Variants in HYCC1 observed in about 807,000 individuals in gnomAD.
HYCC1 encodes the protein hyccin PI4KA lipid kinase complex subunit 1.
chr7:22,953,456 C>A, the HYCC1 span, among the ~76,000 whole-genome samples: 1 of 151,890 alleles, frequency 6.6e-6, no homozygotes, highest in African/African-American at 2.4e-5. Flanking sequence ...TTTTTTGCCT[C>A]ATGAGACCAA....
chr7:22,952,699 CA>C, the HYCC1 span, among the ~76,000 whole-genome samples: 1 of 151,868 alleles, frequency 6.6e-6, no homozygotes, highest in Admixed American at 6.6e-5. Flanking sequence ...TCGCGTAACA[CA>C]AGATACTGAG....
At chr7:22,965,233 A>C in the HYCC1 span, among the ~76,000 whole-genome samples, 1 of 152,068 alleles carries the variant, frequency 6.6e-6, no homozygotes, top group African/African-American at 2.4e-5. Context: ...AAAGTTCTTG[A>C]CACAAACTGC....
the HYCC1 span, among the ~76,000 whole-genome samples, chr7:22,991,782 C>G: frequency 6.6e-6 from 1 of 152,046 alleles, no homozygotes; most frequent in South Asian, 2.1e-4. Context: ...ACGTATTTTT[C>G]TTTACCTATC....
chr7:22,976,358 A>G, the HYCC1 span: 4 of 1,307,336 alleles, frequency 3.1e-6, no homozygotes, highest in South Asian at 2.4e-5. Flanking sequence ...TAAGAAGTCA[A>G]CTATAATAGG....
chr7:22,899,997 T>A, the HYCC1 span, among the ~76,000 whole-genome samples: 2 of 152,208 alleles, frequency 1.3e-5, no homozygotes, highest in Non-Finnish European at 2.9e-5. Context: ...CATTCATTAT[T>A]AAATCACTCA....
At chr7:22,951,889 T>C in the HYCC1 span, among the ~76,000 whole-genome samples, 2 of 151,866 alleles carry the variant, frequency 1.3e-5, no homozygotes, top group Non-Finnish European at 1.5e-5. Context: ...CATACATGCA[T>C]AGAAAAAACT....
chr7:22,924,114 A>T, the HYCC1 span, among the ~76,000 whole-genome samples: 4 of 147,694 alleles, frequency 2.7e-5, no homozygotes, highest in Non-Finnish European at 4.5e-5. Context: ...AGGGGGTGAA[A>T]GTTGCAGTGA....
At chr7:22,978,343 G>T in the HYCC1 span, 1 of 1,614,068 alleles carries the variant, frequency 6.2e-7, no homozygotes, top group Non-Finnish European at 8.5e-7. Context: ...GAGACTGCAA[G>T]GTAGCACCAA....
the HYCC1 span, chr7:23,014,113 A>G: frequency 1.1e-5 from 5 of 468,278 alleles, no homozygotes; most frequent in East Asian, 1.4e-4. Context: ...GAGAGCCACC[A>G]CTGCCGCCAG....
the HYCC1 span, among the ~76,000 whole-genome samples, chr7:22,980,953 C>A: frequency 1.3e-3 from 203 of 152,294 alleles, no homozygotes; most frequent in African/African-American, 4.6e-3. Context: ...TTGAACACAT[C>A]ACATATCGCA....
the HYCC1 span, among the ~76,000 whole-genome samples, chr7:22,899,290 G>T: frequency 1.3e-5 from 2 of 152,152 alleles, no homozygotes; most frequent in Admixed American, 1.3e-4. Context: ...CTTCTTGCAG[G>T]TTGTACGTGG....
At chr7:22,895,885 A>G in the HYCC1 span, among the ~76,000 whole-genome samples, 2 of 152,246 alleles carry the variant, frequency 1.3e-5, no homozygotes, top group African/African-American at 4.8e-5. Context: ...CTTATGTTGT[A>G]CACAGACTGT....
At chr7:23,012,951 G>A in the HYCC1 span, among the ~76,000 whole-genome samples, 1 of 152,198 alleles carries the variant, frequency 6.6e-6, no homozygotes, top group African/African-American at 2.4e-5. Context: ...CAGTCTCTGA[G>A]ATAAGAAGTA....
At chr7:22,907,689 C>G in the HYCC1 span, among the ~76,000 whole-genome samples, 27 of 152,244 alleles carry the variant, frequency 1.8e-4, no homozygotes, top group Non-Finnish European at 2.8e-4. Context: ...GCGGGTGGAT[C>G]ACTTGATGTC....
At chr7:22,980,300 T>C in the HYCC1 span, among the ~76,000 whole-genome samples, 2 of 151,740 alleles carry the variant, frequency 1.3e-5, no homozygotes, top group Non-Finnish European at 2.9e-5. Flanking sequence ...GGAAACCATA[T>C]TATTTATGGT....
chr7:22,901,364 G>C, the HYCC1 span, among the ~76,000 whole-genome samples: 2 of 146,748 alleles, frequency 1.4e-5, no homozygotes, highest in Non-Finnish European at 3.0e-5. Flanking sequence ...GAAAAAAATA[G>C]AATGAAAGAT....
At chr7:22,902,851 A>G in the HYCC1 span, among the ~76,000 whole-genome samples, 1 of 152,178 alleles carries the variant, frequency 6.6e-6, no homozygotes, top group Admixed American at 6.5e-5. Flanking sequence ...TGACCTTGAG[A>G]TAAACATAGT....
the HYCC1 span, among the ~76,000 whole-genome samples, chr7:22,965,761 T>A: frequency 1.3e-5 from 2 of 151,958 alleles, no homozygotes; most frequent in Non-Finnish European, 2.9e-5. Context: ...CCAGTACAGG[T>A]GCATGTCACC....
At chr7:22,962,047 G>A in the HYCC1 span, among the ~76,000 whole-genome samples, 1 of 151,148 alleles carries the variant, frequency 6.6e-6, no homozygotes, top group Non-Finnish European at 1.5e-5. Flanking sequence ...CAAGAACATT[G>A]CTCCCACCAT....
Sources: gnomAD v4.1 joint callset for allele counts (sites outside exome capture counted in the v4.1 genomes callset) on GRCh38, gnomAD v4.1.1 for gene constraint, MANE v1.5 for transcripts, NCBI Gene and HGNC (gene_info 2026-07-23, HGNC 2026-07-21) for gene names.